The following TUSC3 variants were observed in gnomAD, a reference collection of about 807,000 sequenced individuals.
TUSC3 encodes the protein dolichyl-diphosphooligosaccharide--protein glycosyltransferase subunit TUSC3.
In TUSC3, 45 loss-of-function variants were observed where a neutral mutation model predicts 44.8. The observed-to-expected ratio is 1.00, with a 90% CI of 0.79 to 1.29. The LOEUF (loss-of-function observed/expected upper bound fraction) is 1.29. Ranked by LOEUF, TUSC3 falls within the 50% of genes most tolerant of loss-of-function variation. TUSC3 has a pLI of 0.00. For synonymous variants in TUSC3, 212 were observed against 152.9 expected (o/e 1.39, Z -2.85); for missense variants, 519 against 437.9 (o/e 1.19, Z -1.65).
chr8:15,454,341 C>T (rs1800229787), intron 1 of TUSC3, among the ~76,000 whole-genome samples: 1 of 152,146 alleles, frequency 6.6e-6, no homozygotes, highest in Non-Finnish European at 1.5e-5. Flanking sequence ...CCTTATGCCC[C>T]TCAGTTGAAT....
At chr8:15,524,377 T>C (rs576940799) in intron 2 of TUSC3, among the ~76,000 whole-genome samples, 15 of 152,302 alleles carry the variant, frequency 9.8e-5, no homozygotes, top group East Asian at 3.9e-4. Context: ...AAAGGAATTG[T>C]GATGTAAATA....
chr8:15,648,725 C>CCAAAAAAAAA (rs1806744703), intron 2 of TUSC3, among the ~76,000 whole-genome samples: 1 of 26,152 alleles, frequency 3.8e-5, no homozygotes, highest in Non-Finnish European at 6.8e-5. Flanking sequence ...GACTCTGTGT[C>CCAAAAAAAAA]AAAAAAAAAA....
At chr8:15,472,170 A>G (rs1354697408) in intron 1 of TUSC3, among the ~76,000 whole-genome samples, 1 of 152,198 alleles carries the variant, frequency 6.6e-6, no homozygotes, top group Non-Finnish European at 1.5e-5. Flanking sequence ...ACCTGTTTCA[A>G]ATATATAGAG....
At chr8:15,487,880 C>T (rs980299315) in intron 2 of TUSC3, among the ~76,000 whole-genome samples, 1 of 148,006 alleles carries the variant, frequency 6.8e-6, no homozygotes, top group African/African-American at 2.5e-5. Flanking sequence ...GTTTTCATTA[C>T]TAGAATAGTG....
intron 8 of TUSC3, among the ~76,000 whole-genome samples, chr8:15,746,947 A>G (rs1429428976): frequency 6.6e-6 from 1 of 151,868 alleles, no homozygotes; most frequent in African/African-American, 2.4e-5. Flanking sequence ...ATACTCACAG[A>G]CTCATTTTTT....
At chr8:15,782,114 G>A in the TUSC3 span, among the ~76,000 whole-genome samples, 858 of 152,276 alleles carry the variant, frequency 5.6e-3, 4 homozygotes, top group Admixed American at 0.012. Context: ...CAGCCTGGGC[G>A]ACAGAGCAAG....
chr8:15,707,495 C>G (rs910952787), intron 6 of TUSC3, among the ~76,000 whole-genome samples: 1 of 151,930 alleles, frequency 6.6e-6, no homozygotes, highest in Non-Finnish European at 1.5e-5. Flanking sequence ...TACCAGAAAT[C>G]AAAGCACAAG....
chr8:15,687,305 C>G (rs1292355433), intron 6 of TUSC3, among the ~76,000 whole-genome samples: 1 of 152,030 alleles, frequency 6.6e-6, no homozygotes, highest in East Asian at 1.9e-4. Context: ...ATCGGTTAGC[C>G]TCAAGTCTCA....
At chr8:15,423,224 A>G (rs903241417) in intron 1 of TUSC3, among the ~76,000 whole-genome samples, 2 of 152,322 alleles carry the variant, frequency 1.3e-5, no homozygotes, top group Non-Finnish European at 1.5e-5. Context: ...ACACACATAG[A>G]TCCATATGCG....
rs138481263 is a variant in TUSC3, at chr8:15,692,844, C to G, written c.798+19008C>G. On this transcript the variant is annotated intron_variant, in intron 6 of 10. Coordinates refer to ENST00000503731, the MANE Select transcript of TUSC3 (RefSeq NM_006765.4). ...TAGGTCTCTAAGAACATGTGTTCCT[C>G]TATTGGGTGCATATATATTTAAGAT... Among the ~76,000 whole-genome samples, 3 of 152,112 alleles carry G rather than the reference C, an allele frequency of 2.0e-5. No homozygotes were observed. In the East Asian group the frequency reaches 5.8e-4, roughly 29 times the overall value.
rs145499171 is a variant in TUSC3 at position 15,444,501 on chromosome 8, G to A, written n.91+27196G>A. 5.9e-5 allele frequency among the ~76,000 whole-genome samples: 9 copies of A among 152,282 alleles called. No homozygotes were observed. The South Asian group carries it at 1.7e-3, about 28-fold the overall frequency. On this transcript the variant is annotated intron_variant and non_coding_transcript_variant, in intron 1 of 5. Coordinates refer to the TUSC3 transcript ENST00000503191. ...GGATTCTTGCTGTAGGCAGACCAGG[G>A]TAATGAGACATTACCTGGGGATGGT...
At chr8:15,620,366 T>C (rs926372665) in intron 1 of TUSC3, among the ~76,000 whole-genome samples, 1 of 152,230 alleles carries the variant, frequency 6.6e-6, no homozygotes, top group Non-Finnish European at 1.5e-5. Context: ...TTCCAGAATA[T>C]TTGTAATGGG....
the TUSC3 span, among the ~76,000 whole-genome samples, chr8:15,812,452 G>C: frequency 2.0e-5 from 3 of 152,176 alleles, no homozygotes; most frequent in Non-Finnish European, 2.9e-5. Flanking sequence ...GAAGGAAATA[G>C]TCTCAGACAT....
the TUSC3 span, among the ~76,000 whole-genome samples, chr8:15,778,972 T>A: frequency 1.3e-5 from 2 of 152,142 alleles, no homozygotes; most frequent in Non-Finnish European, 2.9e-5. Flanking sequence ...CACAATAATA[T>A]CACTTCTACA....
At chr8:15,435,075 G>A (rs547752447) in intron 1 of TUSC3, among the ~76,000 whole-genome samples, 15 of 148,628 alleles carry the variant, frequency 1.0e-4, no homozygotes, top group African/African-American at 3.9e-4. Context: ...TGGGTCAAAT[G>A]GTATTTCTAG....
intron 2 of TUSC3, among the ~76,000 whole-genome samples, chr8:15,521,259 A>G (rs1017009316): frequency 2.6e-5 from 4 of 152,040 alleles, no homozygotes; most frequent in African/African-American, 9.7e-5. Context: ...GGGACGCTTG[A>G]TCCTCGGCTG....
chr8:15,614,720 T>G (rs1438184383), intron 1 of TUSC3, among the ~76,000 whole-genome samples: 2 of 152,142 alleles, frequency 1.3e-5, no homozygotes, highest in East Asian at 1.9e-4. Context: ...TTCATGACAT[T>G]TAAATTTAAA....
chr8:15,776,426 T>A, the TUSC3 span, among the ~76,000 whole-genome samples: 3 of 152,250 alleles, frequency 2.0e-5, no homozygotes, highest in East Asian at 5.8e-4. Context: ...AATACTATTT[T>A]TGAAGCACCT....
chr8:15,608,943 C>T (rs945990417), intron 1 of TUSC3, among the ~76,000 whole-genome samples: 5 of 152,136 alleles, frequency 3.3e-5, no homozygotes, highest in Admixed American at 6.6e-5. Flanking sequence ...TTGACTTGCT[C>T]TTGCCATTTG....
Sources: gnomAD v4.1 joint callset for allele counts (sites outside exome capture counted in the v4.1 genomes callset) on GRCh38, gnomAD v4.1.1 for gene constraint, MANE v1.5 for transcripts, NCBI Gene and HGNC (gene_info 2026-07-23, HGNC 2026-07-21) for gene names.